Variants in SYBU observed in about 807,000 individuals in gnomAD.
SYBU encodes the protein syntabulin, also known as GOLSYN A protein.
A neutral mutation model predicts 35.9 loss-of-function variants in SYBU; 21 were observed. The observed-to-expected ratio is 0.58, with a 90% CI of 0.41 to 0.84. The LOEUF is 0.84. Among genes scored for constraint, SYBU ranks in the 40% least tolerant of loss-of-function variants. SYBU has a pLI of 0.00. For missense variants in SYBU, 768 were observed against 848.2 expected (o/e 0.91, Z 1.17); for synonymous variants, 319 against 324.3 (o/e 0.98, Z 0.18).
In SYBU at chr8:109,644,702, T is replaced by C. The variant is rs1163899606; in HGVS notation, c.-43A>G. The C allele has an allele frequency of 4.0e-6, 6 of 1,484,514 alleles. No individual in the cohort carries two copies. The Admixed American group carries it at 9.0e-5, about 22-fold the overall frequency. 92.0% of individuals were successfully genotyped at this position (1,484,514 alleles called of 1,614,324 possible). A position where few individuals can be genotyped will look rare whatever the true frequency, so the allele number is the denominator to read the frequency against. On this transcript the variant is annotated 5_prime_UTR_variant, in exon 1 of 7. Coordinates refer to ENST00000276646, the MANE Select transcript of SYBU (RefSeq NM_001099754.2). ...GCTCCTCGCGCCGCCGCTGCCGCCGTCCAGGAGGAGGCACCTGCGAGCACG... is the reference window on the plus strand; with the variant it reads ...GCTCCTCGCGCCGCCGCTGCCGCCGCCCAGGAGGAGGCACCTGCGAGCACG...
intron 1 of SYBU, chr8:109,643,146 G>T: frequency 8.0e-7 from 1 of 1,245,354 alleles, no homozygotes; most frequent in Non-Finnish European, 1.0e-6. Context: ...ATGTCTGTGT[G>T]GCACACACAC....
chr8:109,574,916 A>T lies in SYBU; in HGVS notation c.1982T>A (p.Ile661Asn), dbSNP rs748600142. Residue 661 changes from isoleucine to asparagine, a missense_variant, in exon 7 of 7, where the codon ATC becomes AAC. Transcript: ENST00000276646. ...LHSLRRTAFR[I>N]KT is the part of the protein sequence containing the mutation. ...AACAACAACTTCTATTTAGGTTTTG[A>T]TACGGAAGGCGGTGCGGCGGAGCGA... 4.0e-6 allele frequency: 6 copies of T among 1,514,020 alleles called. No homozygotes were observed. Among genetic ancestry groups the T allele is most frequent in the Non-Finnish European group, 4.4e-6 (5 of 1,131,410 alleles). 93.8% of individuals were successfully genotyped at this position (1,514,020 alleles called of 1,614,324 possible). A position where few individuals can be genotyped will look rare whatever the true frequency, so the allele number is the denominator to read the frequency against.
intron 1 of SYBU, among the ~76,000 whole-genome samples, chr8:109,673,649 C>A (rs975936498): frequency 6.6e-6 from 1 of 152,070 alleles, no homozygotes; most frequent in South Asian, 2.1e-4. Context: ...CAACTCCTCG[C>A]CAGCAAGGGA....
upstream of SYBU, among the ~76,000 whole-genome samples, chr8:109,685,199 T>C (rs1321857671): frequency 2.6e-5 from 4 of 152,336 alleles, no homozygotes; most frequent in South Asian, 4.1e-4. Context: ...AAGTGGCATG[T>C]GTAAAACACT....
chr8:109,607,808 T>TCACACACACA (rs71305960), intron 3 of SYBU: 17,808 of 375,662 alleles, frequency 0.047, 522 homozygotes, highest in Admixed American at 0.077. Context: ...CACAACTAAC[T>TCACACACACA]CACACACACA....
intron 1 of SYBU, among the ~76,000 whole-genome samples, chr8:109,662,946 A>G (rs779348914): frequency 6.6e-6 from 1 of 152,146 alleles, no homozygotes; most frequent in Non-Finnish European, 1.5e-5. Context: ...CAAACACAGT[A>G]AACATATTGT....
chr8:109,638,876 C>G (rs1055776084), intron 2 of SYBU, among the ~76,000 whole-genome samples: 10 of 151,606 alleles, frequency 6.6e-5, no homozygotes, highest in African/African-American at 2.4e-4. Flanking sequence ...TAAGAAGAAG[C>G]GATTAAAAAA....
At chr8:109,644,612 C>G in intron 1 of SYBU, 24 bp downstream of exon 1, 1 of 1,544,580 alleles carries the variant, frequency 6.5e-7, no homozygotes, top group Non-Finnish European at 8.7e-7. Flanking sequence ...CCCTCCAGTG[C>G]CCGCACTGCC....
At chr8:109,628,749 G>A (rs1205199001) in intron 2 of SYBU, among the ~76,000 whole-genome samples, 1 of 152,032 alleles carries the variant, frequency 6.6e-6, no homozygotes, top group Non-Finnish European at 1.5e-5. Context: ...TCACACCCAG[G>A]AGGTCAAGGC....
intron 1 of SYBU, among the ~76,000 whole-genome samples, chr8:109,688,091 C>T (rs1817561320): frequency 1.3e-5 from 2 of 152,088 alleles, no homozygotes; most frequent in African/African-American, 4.8e-5. Context: ...AGGTGGTACA[C>T]AGATAATTTT....
At chr8:109,610,906 C>T (rs1811095851) in intron 3 of SYBU, among the ~76,000 whole-genome samples, 1 of 152,190 alleles carries the variant, frequency 6.6e-6, no homozygotes, top group Non-Finnish European at 1.5e-5. Flanking sequence ...CAAGCTGTTG[C>T]CAGCACCCAG....
At chr8:109,657,946 G>T (rs544790124) in intron 1 of SYBU, among the ~76,000 whole-genome samples, 1 of 152,294 alleles carries the variant, frequency 6.6e-6, no homozygotes, top group East Asian at 1.9e-4. Context: ...AATAGCATTA[G>T]CATAAATACT....
intron 3 of SYBU, among the ~76,000 whole-genome samples, chr8:109,592,101 T>A (rs1243624277): frequency 6.6e-6 from 1 of 151,294 alleles, no homozygotes; most frequent in Non-Finnish European, 1.5e-5. Flanking sequence ...CCCTTAATAG[T>A]ACCAGTTTAG....
rs777018998 is a variant in SYBU, at chr8:109,575,600, T to G, written c.1298A>C (p.Asp433Ala). The change falls in exon 7 of 7, where the codon GAT (aspartate) becomes GCT (alanine). Residue 433 changes from aspartate (D) to alanine (A), a missense_variant. Asp to Ala is a moderately radical substitution (Grantham distance 126). Coordinates refer to ENST00000276646, the MANE Select transcript of SYBU (RefSeq NM_001099754.2). ...CAAATCTGTGCTGTTGGCTATGCTA[T>G]CTCCTACCAGTAGCTCCCTGTCAGC... ...EGADRELLVG[D>A]SIANSTDLFD... 2 of 1,614,078 alleles carry G rather than the reference T, an allele frequency of 1.2e-6. No individual in the cohort carries two copies. Among genetic ancestry groups the G allele is most frequent in the African/African-American group, 2.7e-5 (2 of 74,996 alleles).
chr8:109,646,511 ATTCT>A (rs1815712560), upstream of SYBU: 1 of 152,194 alleles, frequency 6.6e-6, no homozygotes, highest in Non-Finnish European at 1.5e-5. Context: ...TAATTTTAAG[ATTCT>A]TTATTTGGGA....
chr8:109,608,172 G>C, intron 3 of SYBU: 1 of 483,696 alleles, frequency 2.1e-6, no homozygotes. Context: ...TCTCCCTGGT[G>C]ACTGCAGTGT....
At chr8:109,644,098 G>A (rs376325875) in intron 1 of SYBU, 2 of 457,000 alleles carry the variant, frequency 4.4e-6, no homozygotes, top group African/African-American at 4.0e-5. Flanking sequence ...GCCGGCACAT[G>A]GCATAAATTG....
chr8:109,627,120 A>T (rs1210199540), intron 2 of SYBU, among the ~76,000 whole-genome samples: 1 of 151,622 alleles, frequency 6.6e-6, no homozygotes, highest in African/African-American at 2.4e-5. Flanking sequence ...TTATGGTTTG[A>T]TTCTGTTCGA....
intron 3 of SYBU, among the ~76,000 whole-genome samples, chr8:109,608,782 G>A (rs544961358): frequency 6.6e-6 from 1 of 152,148 alleles, no homozygotes; most frequent in Non-Finnish European, 1.5e-5. Flanking sequence ...AATAATAAAA[G>A]TGATCATTTA....
Sources: allele counts gnomAD v4.1 joint callset (sites outside exome capture counted in the v4.1 genomes callset), GRCh38; gene constraint gnomAD v4.1.1; transcripts MANE v1.5; gene names NCBI Gene and HGNC (gene_info 2026-07-23, HGNC 2026-07-21).